Variants in MAGI1 observed in about 807,000 individuals in gnomAD.
The protein encoded by MAGI1 is membrane-associated guanylate kinase, WW and PDZ domain-containing protein 1.
A neutral mutation model predicts 139.9 loss-of-function variants in MAGI1; 58 were observed. That is an observed-to-expected ratio of 0.41 (90% confidence interval 0.34 to 0.52). The LOEUF is 0.52. Among genes scored for constraint, MAGI1 ranks in the 20% least tolerant of loss-of-function variants. The pLI is 0.12. For synonymous variants in MAGI1, 812 were observed against 737.9 expected (o/e 1.10, Z -1.63); for missense variants, 1,874 against 1,901.6 (o/e 0.99, Z 0.27).
intron 16 of MAGI1, among the ~76,000 whole-genome samples, chr3:65,379,873 A>C (rs960217033): frequency 1.6e-4 from 25 of 152,166 alleles, no homozygotes; most frequent in South Asian, 8.3e-4. Flanking sequence ...GCTGTGAAAT[A>C]TTTCCCCATT....
intron 1 of MAGI1, among the ~76,000 whole-genome samples, chr3:65,797,421 G>A (rs814753): frequency 0.49 from 74,204 of 152,058 alleles, 18,559 homozygotes; most frequent in East Asian, 0.75. Flanking sequence ...TTTAAAATGA[G>A]AAGAAAGAAA....
chr3:65,714,786 T>C (rs2032005221), intron 1 of MAGI1, among the ~76,000 whole-genome samples: 1 of 152,076 alleles, frequency 6.6e-6, no homozygotes, highest in African/African-American at 2.4e-5. Context: ...GCCATTATCA[T>C]AAAATGAACA....
chr3:65,566,622 G>C (rs185588760), intron 2 of MAGI1, among the ~76,000 whole-genome samples: 1 of 152,002 alleles, frequency 6.6e-6, no homozygotes, highest in Non-Finnish European at 1.5e-5. Flanking sequence ...CTGGGTTTTT[G>C]TTTGTTTGTT....
At chr3:65,605,785 T>C (rs757205283) in intron 2 of MAGI1, among the ~76,000 whole-genome samples, 2 of 152,194 alleles carry the variant, frequency 1.3e-5, no homozygotes, top group Non-Finnish European at 2.9e-5. Flanking sequence ...ATTACTTATA[T>C]AGGAAACATA....
intron 18 of MAGI1, among the ~76,000 whole-genome samples, chr3:65,369,772 G>A (rs561513898): frequency 2.6e-5 from 4 of 151,704 alleles, no homozygotes; most frequent in African/African-American, 7.2e-5. Context: ...GCCACCCAAC[G>A]TGCTGGGATT....
At chr3:65,473,833 C>A (rs1950706267) in intron 4 of MAGI1, among the ~76,000 whole-genome samples, 1 of 152,034 alleles carries the variant, frequency 6.6e-6, no homozygotes, top group Non-Finnish European at 1.5e-5. Context: ...ATATCTTCTT[C>A]TCAGCTCAAC....
chr3:65,863,011 T>A (rs755007785), intron 1 of MAGI1, among the ~76,000 whole-genome samples: 1 of 152,162 alleles, frequency 6.6e-6, no homozygotes, highest in South Asian at 2.1e-4. Flanking sequence ...CCAGCTACTC[T>A]CCAAGCCCCT....
intron 1 of MAGI1, among the ~76,000 whole-genome samples, chr3:65,856,053 G>T (rs2059369184): frequency 6.6e-6 from 1 of 152,090 alleles, no homozygotes; most frequent in Admixed American, 6.6e-5. Context: ...CTATATGATT[G>T]CTACATGTGT....
At chr3:65,389,000 C>T (rs369442652) in intron 14 of MAGI1, among the ~76,000 whole-genome samples, 12 of 151,996 alleles carry the variant, frequency 7.9e-5, no homozygotes, top group South Asian at 6.2e-4. Flanking sequence ...CACGCCACCA[C>T]ACCCGGCTAA....
intron 2 of MAGI1, among the ~76,000 whole-genome samples, chr3:65,617,756 A>C (rs976836800): frequency 2.0e-5 from 3 of 151,998 alleles, no homozygotes; most frequent in Admixed American, 6.5e-5. Flanking sequence ...TCAAATGTTA[A>C]GTAAGGAAGA....
intron 1 of MAGI1, among the ~76,000 whole-genome samples, chr3:65,660,134 A>T (rs1205575576): frequency 6.6e-6 from 1 of 152,190 alleles, no homozygotes; most frequent in Non-Finnish European, 1.5e-5. Flanking sequence ...ACTTTCTTAG[A>T]GGTAAAGGTA....
chr3:65,532,450 T>A (rs2078756965), intron 2 of MAGI1, among the ~76,000 whole-genome samples: 2 of 152,206 alleles, frequency 1.3e-5, no homozygotes, highest in South Asian at 4.1e-4. Flanking sequence ...ACAGACTACA[T>A]ATGTGGCCTA....
intron 2 of MAGI1, among the ~76,000 whole-genome samples, chr3:65,504,054 G>A (rs919159629): frequency 6.6e-6 from 1 of 152,084 alleles, no homozygotes; most frequent in African/African-American, 2.4e-5. Context: ...GTTTGTCTAG[G>A]GCAAGCAAAT....
intron 12 of MAGI1, chr3:65,401,688 C>G (rs1466704751): frequency 1.3e-6 from 2 of 1,539,564 alleles, no homozygotes; most frequent in Non-Finnish European, 1.8e-6. Context: ...TCTGCATTAG[C>G]TATGCTGACT....
At chr3:65,917,552 T>A (rs1258743592) in intron 1 of MAGI1, among the ~76,000 whole-genome samples, 1 of 152,130 alleles carries the variant, frequency 6.6e-6, no homozygotes, top group Admixed American at 6.6e-5. Context: ...CTTCAGTAAA[T>A]GAATGGATAA....
intron 1 of MAGI1, among the ~76,000 whole-genome samples, chr3:65,838,502 A>T (rs974595560): frequency 2.0e-5 from 3 of 152,128 alleles, no homozygotes; most frequent in Middle Eastern, 3.2e-3. Flanking sequence ...ACCTTTAGAG[A>T]TTGTTTTTTC....
At chr3:65,608,241 AGACCAACCT>A (rs1334623620) in intron 2 of MAGI1, among the ~76,000 whole-genome samples, 1 of 152,202 alleles carries the variant, frequency 6.6e-6, no homozygotes, top group African/African-American at 2.4e-5. Context: ...CAGGAGTTTG[AGACCAACCT>A]GGCTAACATG....
chr3:65,503,069 C>T (rs1187821097), intron 2 of MAGI1, among the ~76,000 whole-genome samples: 1 of 152,050 alleles, frequency 6.6e-6, no homozygotes, highest in Admixed American at 6.6e-5. Flanking sequence ...ACATACACTG[C>T]CCCCTCCCCA....
chr3:65,677,924 A>G (rs1407029424), intron 1 of MAGI1, among the ~76,000 whole-genome samples: 3 of 152,176 alleles, frequency 2.0e-5, no homozygotes, highest in Non-Finnish European at 4.4e-5. Context: ...AACCAACCCA[A>G]ATGCCCATCA....
Sources: gnomAD v4.1 joint callset for allele counts (sites outside exome capture counted in the v4.1 genomes callset) on GRCh38, gnomAD v4.1.1 for gene constraint, MANE v1.5 for transcripts, NCBI Gene and HGNC (gene_info 2026-07-23, HGNC 2026-07-21) for gene names.